The following FBF1 variants were observed in gnomAD, a reference collection of about 807,000 sequenced individuals.
FBF1 encodes Fas binding factor 1, also known as fas-binding factor 1.
FBF1 carries 119 observed loss-of-function variants against 147.2 expected under a neutral mutation model. The observed-to-expected ratio is 0.81, with a 90% CI of 0.70 to 0.94. The LOEUF (loss-of-function observed/expected upper bound fraction) is 0.94, where lower values mean the gene tolerates loss of function less well. Ranked by LOEUF, FBF1 falls within the 40% of genes least tolerant of loss-of-function variation. The pLI is 0.00. For synonymous variants in FBF1, 601 were observed against 609.0 expected, an observed-to-expected ratio of 0.99 and a Z score of 0.19; for missense variants, 1,449 against 1,500.8, an observed-to-expected ratio of 0.97 and a Z score of 0.57.
At position 75,920,434 on chromosome 17, in the gene FBF1, A is replaced by T; in HGVS notation, c.1675-5T>A. ...CAGGGACTCTGGGAGCAGGGGCTGG[A>T]GGAGAGGAAGAGAGGTGTTTCTAGT... is the stretch of plus-strand genomic sequence containing the variant. On this transcript the variant is annotated splice_region_variant and splice_polypyrimidine_tract_variant and intron_variant, in intron 17 of 29. Coordinates refer to ENST00000636174, the MANE Select transcript of FBF1 (RefSeq NM_001319193.2). 6.2e-7 allele frequency: 1 copy of T among 1,603,198 alleles called. No homozygotes were observed. The highest frequency in any genetic ancestry group is 1.3e-5 in the African/African-American group (1 of 74,880).
In FBF1 at chr17:75,918,447, C is replaced by T. The variant is rs1021513606; in HGVS notation, c.2139-178G>A. 6.6e-6 allele frequency among the ~76,000 whole-genome samples: 1 copy of T among 152,208 alleles called. No individual in the cohort carries two copies. Among genetic ancestry groups the T allele is most frequent in the Non-Finnish European group, 1.5e-5 (1 of 68,032 alleles). ...TCTGTCATGGTGCCTCAATGCTACA[C>T]GCACTAAGATGGGCATTCCTCCCAT... is the stretch of plus-strand genomic sequence containing the variant. On this transcript the variant is annotated intron_variant, in intron 20 of 29. Coordinates refer to ENST00000636174, the MANE Select transcript of FBF1 (RefSeq NM_001319193.2). The surrounding 1 kb of genome is among the most constrained non-coding windows in gnomAD (Gnocchi z 5.8).
At position 75,918,514 on chromosome 17, in the gene FBF1, C is replaced by T. The variant is rs2065503251; in HGVS notation, c.2139-245G>A. ...TTTTGGAGATGGAGTTTTGCTCTGTCACCCAGAGTCTCTCACTCTGTCGCC... is the reference window on the plus strand; with the variant it reads ...TTTTGGAGATGGAGTTTTGCTCTGTTACCCAGAGTCTCTCACTCTGTCGCC... On this transcript the variant is annotated intron_variant, in intron 20 of 29. Coordinates refer to ENST00000636174, the MANE Select transcript of FBF1 (RefSeq NM_001319193.2). The surrounding 1 kb of genome is among the most constrained non-coding windows in gnomAD (Gnocchi z 5.8). 6.6e-6 allele frequency among the ~76,000 whole-genome samples: 1 copy of T among 152,164 alleles called. No individual in the cohort carries two copies. The highest frequency in any genetic ancestry group is 2.4e-5 in the African/African-American group (1 of 41,446).
chr17:75,935,540 C>T, intron 4 of FBF1, 92 bp downstream of exon 4: 1 of 1,327,974 alleles, frequency 7.5e-7, no homozygotes. Flanking sequence ...TCATTTCAGT[C>T]CAGAAGCTTG....
intron 7 of FBF1, 47 bp downstream of exon 7, chr17:75,929,950 A>AGGGGG: frequency 4.7e-6 from 1 of 214,752 alleles, no homozygotes; most frequent in Non-Finnish European, 9.7e-6. Context: ...TCATGACCCC[A>AGGGGG]CCCCACCCAC....
intron 1 of FBF1, among the ~76,000 whole-genome samples, chr17:75,939,125 A>T (rs1464289125): frequency 1.3e-5 from 2 of 151,474 alleles, no homozygotes; most frequent in African/African-American, 4.9e-5. Flanking sequence ...GTGAAACCCC[A>T]TTTCTACTAA....
In FBF1 at chr17:75,926,222, C is replaced by T. The variant is rs993740243; in HGVS notation, c.735-59G>A. 3.7e-6 allele frequency: 6 copies of T among 1,604,970 alleles called. No individual in the cohort carries two copies. In the Admixed American group the frequency reaches 8.5e-5, roughly 23 times the overall value. On this transcript the variant is annotated intron_variant, in intron 11 of 29. Coordinates refer to ENST00000636174, the MANE Select transcript of FBF1 (RefSeq NM_001319193.2). ...GTATGAGGGGCTCTCGGGAATCCCA[C>T]AGTACCCGTCCACCAGCTTTTCCCT...
chr17:75,929,969 CT>C, intron 7 of FBF1, 27 bp downstream of exon 7: 1 of 1,168,808 alleles, frequency 8.6e-7, no homozygotes, highest in Non-Finnish European at 1.2e-6. Flanking sequence ...ACCCCCAGTT[CT>C]AAGAATCGTG....
intron 28 of FBF1, among the ~76,000 whole-genome samples, chr17:75,912,858 T>C (rs1419672156): frequency 1.3e-5 from 2 of 152,062 alleles, no homozygotes. Context: ...CCGGCCAACA[T>C]GGCAAAACCC....
chr17:75,923,905 G>A lies in FBF1; in HGVS notation c.969-264C>T, dbSNP rs2065544798. ...AGGAACAGGATCAAATGACAGCCAT[G>A]GGCACACAGGTCTAAAGAAAAATCA... On this transcript the variant is annotated intron_variant, in intron 13 of 29. Transcript: ENST00000636174. The surrounding 1 kb of genome is among the most constrained non-coding windows in gnomAD (Gnocchi z 4.1). Among the ~76,000 whole-genome samples, 1 of 152,164 alleles carries A rather than the reference G, an allele frequency of 6.6e-6. No homozygotes were observed. Among genetic ancestry groups the A allele is most frequent in the Non-Finnish European group, 1.5e-5 (1 of 68,026 alleles).
rs2065459964 is a variant in FBF1, at chr17:75,912,192, C to G, written c.3363G>C (p.Gln1121His). Residue 1121 changes from glutamine to histidine, a missense_variant and splice_region_variant, in exon 29 of 30, where the codon CAG (glutamine) becomes CAC (histidine). Gln to His is a conservative substitution (Grantham distance 24, BLOSUM62 0). Coordinates refer to ENST00000636174, the MANE Select transcript of FBF1 (RefSeq NM_001319193.2). ...ATCCCCAAGGCCAGGAGAGACTCAC[C>G]TGCTCTGCCATGTGCCTCAGCAGTG... The part of the protein sequence containing the change: ...RLALLRHMAE[Q>H]DRDFLENEQF... 3.1e-6 allele frequency: 5 copies of G among 1,605,430 alleles called. No individual in the cohort carries two copies. Among genetic ancestry groups the G allele is most frequent in the Non-Finnish European group, 4.2e-6 (5 of 1,176,780 alleles).
In FBF1 at chr17:75,910,562, C is replaced by G. The variant is rs1379380431; in HGVS notation, c.*161G>C. The G allele has an allele frequency of 1.6e-6, 1 of 641,776 alleles. No homozygotes were observed. The highest frequency in any genetic ancestry group is 2.7e-6 in the Non-Finnish European group (1 of 372,872). The allele number at this position is 641,776 out of a possible 1,614,324, so 39.8% of individuals were successfully genotyped here. Reference sequence around the variant, plus strand: ...AGGCAGGGGCTGCCCCGGGCTGGCACATTTGGAAAGGATGCACTTGCACCC... The same window carrying G: ...AGGCAGGGGCTGCCCCGGGCTGGCAGATTTGGAAAGGATGCACTTGCACCC... On this transcript the variant is annotated 3_prime_UTR_variant, in exon 30 of 30. Transcript: ENST00000636174. The surrounding 1 kb of genome is among the most constrained non-coding windows in gnomAD (Gnocchi z 4.1).
In FBF1 at chr17:75,923,369, C is replaced by T. The variant is rs1650911947; in HGVS notation, c.1241G>A (p.Gly414Asp). The change falls in exon 14 of 30, where the codon GGT becomes GAT. Residue 414 changes from glycine (G) to aspartate (D), a missense_variant. Coordinates refer to ENST00000636174, the MANE Select transcript of FBF1 (RefSeq NM_001319193.2). This position sits in a 1 kb window ranked among gnomAD's most constrained non-coding sequence, Gnocchi z 4.1. Reference protein sequence around the residue: ...PPSRAKPPTEGAGSPAKASQA... With the variant: ...PPSRAKPPTEDAGSPAKASQA... ...GCTGGCTTTGGCAGGGGACCCTGCA[C>T]CTTCAGTTGGTGGCTTTGCCCTGGA... 4 of 1,605,878 alleles carry T rather than the reference C, an allele frequency of 2.5e-6. No homozygotes were observed. In the African/African-American group the frequency reaches 5.3e-5, roughly 21 times the overall value.
In FBF1 at chr17:75,913,768, C is replaced by A. The variant is rs564100482; in HGVS notation, c.3181G>T (p.Asp1061Tyr). The A allele has an allele frequency of 6.2e-7, 1 of 1,605,386 alleles. No individual in the cohort carries two copies. Among genetic ancestry groups the A allele is most frequent in the South Asian group, 1.1e-5 (1 of 90,764 alleles). Reference sequence around the variant, plus strand: ...AGACCCACGAGGCTAGAGGGCAGGTCCTGTCGTGCGCGGTCCAGTTGCAGC... The same window carrying A: ...AGACCCACGAGGCTAGAGGGCAGGTACTGTCGTGCGCGGTCCAGTTGCAGC... ...QRLQLDRARQ[D>Y]LPSSLVGLFP... The change falls in exon 28 of 30, where the codon GAC (aspartate) becomes TAC (tyrosine). Residue 1061 changes from aspartate to tyrosine, a missense_variant. Asp to Tyr is a radical substitution (Grantham distance 160, BLOSUM62 -3). Transcript: ENST00000636174.
chr17:75,923,058 CTG>C lies in FBF1; in HGVS notation c.1424+126_1424+127del, dbSNP rs1386444818. ...GAGTAGCAAAGCCAAGAAGCGGCCT[CTG>C]TGGCCACGGCGCCCTGCCTTGTTCC... On this transcript the variant is annotated intron_variant, in intron 14 of 29. Transcript: ENST00000636174. This position sits in a 1 kb window ranked among gnomAD's most constrained non-coding sequence, Gnocchi z 4.1. 5 of 943,414 alleles carry C rather than the reference CTG, an allele frequency of 5.3e-6. No individual in the cohort carries two copies. Among genetic ancestry groups the C allele is most frequent in the Admixed American group, 5.8e-5 (2 of 34,720 alleles). 58.4% of individuals were successfully genotyped at this position (943,414 alleles called of 1,614,324 possible). A position where few individuals can be genotyped will look rare whatever the true frequency, so the allele number is the denominator to read the frequency against.
chr17:75,931,985 G>A (rs1360715145), intron 5 of FBF1, among the ~76,000 whole-genome samples: 1 of 152,174 alleles, frequency 6.6e-6, no homozygotes, highest in South Asian at 2.1e-4. Context: ...GAGAAGTTCA[G>A]AAACTGCCCA....
At chr17:75,939,655 C>G (rs942965609) in intron 1 of FBF1, among the ~76,000 whole-genome samples, 4 of 152,030 alleles carry the variant, frequency 2.6e-5, no homozygotes, top group Non-Finnish European at 5.9e-5. Flanking sequence ...GTTGGTCTTC[C>G]AAAGTGCTGG....
intron 4 of FBF1, 120 bp from the exon 5 acceptor site, chr17:75,933,208 A>C (rs2065604956): frequency 3.0e-6 from 2 of 676,634 alleles, no homozygotes; most frequent in Non-Finnish European, 4.9e-6. Flanking sequence ...AATCTGGCCA[A>C]ATAGGCAGGT....
Position 75,928,116 on chromosome 17 carries a change from G to A in FBF1, c.357C>T (p.Asp119=). 3 of 1,613,772 alleles carry A rather than the reference G, an allele frequency of 1.9e-6. No individual in the cohort carries two copies. The highest frequency in any genetic ancestry group is 2.5e-6 in the Non-Finnish European group (3 of 1,179,876). Reference sequence around the variant, plus strand: ...GGTTGGGCAGCTCTCCTTTCCCAGGGTCCTTTGCAGCTTTTTTGCTAGGGG... The same window carrying A: ...GGTTGGGCAGCTCTCCTTTCCCAGGATCCTTTGCAGCTTTTTTGCTAGGGG... ...NSAPSKKAAK[D]PGKGELPNHP... Residue 119 remains aspartate, a synonymous_variant, in exon 8 of 30, where the codon GAC becomes GAT. Transcript: ENST00000636174. The surrounding 1 kb of genome is among the most constrained non-coding windows in gnomAD (Gnocchi z 4.2).
Position 75,910,030 on chromosome 17 carries a change from C to T in FBF1, c.*693G>A, listed in dbSNP as rs1380800711. 2.3e-5 allele frequency: 15 copies of T among 662,558 alleles called. 1 individual carries two copies. The Middle Eastern group carries it at 7.7e-4, about 34-fold the overall frequency. The allele number at this position is 662,558 out of a possible 1,614,324, so 41.0% of individuals were successfully genotyped here. ...CTCGTCCCTCCCCACACCCCACCAT[C>T]GCCACAGCTCCCTCCGCCGCCGGTG... On this transcript the variant is annotated 3_prime_UTR_variant, in exon 30 of 30. Transcript: ENST00000636174. The surrounding 1 kb of genome is among the most constrained non-coding windows in gnomAD (Gnocchi z 4.1).
Sources: allele counts gnomAD v4.1 joint callset (sites outside exome capture counted in the v4.1 genomes callset), GRCh38; gene constraint gnomAD v4.1.1; non-coding constraint Gnocchi (gnomAD v3.1); transcripts MANE v1.5; gene names NCBI Gene and HGNC (gene_info 2026-07-23, HGNC 2026-07-21).